Variants in PDHA1 observed in about 807,000 individuals in gnomAD.
The protein encoded by PDHA1 is pyruvate dehydrogenase E1 subunit alpha 1.
Under a neutral mutation model 33.0 loss-of-function variants are expected in PDHA1, and 1 was observed. The observed-to-expected ratio is 0.03, with a 90% CI of 0.01 to 0.14. The LOEUF is 0.14. Ranked by LOEUF, PDHA1 falls within the 10% of genes least tolerant of loss-of-function variation. The pLI, the probability that PDHA1 is intolerant of heterozygous loss-of-function variation, is 1.00. For synonymous variants in PDHA1, 123 were observed against 119.2 expected, an observed-to-expected ratio of 1.03 and a Z score of -0.21; for missense variants, 168 against 325.1, an observed-to-expected ratio of 0.52 and a Z score of 3.72.
intron 1 of PDHA1, among the ~76,000 whole-genome samples, chrX:19,348,346 C>T (rs781121875): frequency 8.9e-6 from 1 of 112,145 alleles, no homozygotes; most frequent in South Asian, 3.7e-4. Context: ...AACAGTGTTT[C>T]AGAGAACATT....
Position 19,359,791 on chromosome X carries a change from T to G in PDHA1, c.*138T>G. ...CCATTAAGTGTGTAGATTGAGCAGG[T>G]AGTAATTGCATGCAGTTTGTACATT... On this transcript the variant is annotated 3_prime_UTR_variant, in exon 11 of 11. Transcript: ENST00000422285. 5.4e-6 allele frequency: 3 copies of G among 560,098 alleles called. No individual in the cohort carries two copies. Among genetic ancestry groups the G allele is most frequent in the Non-Finnish European group, 9.1e-6 (3 of 328,292 alleles). The allele number at this position is 560,098 out of a possible 1,213,427, so 46.2% of individuals were successfully genotyped here.
In PDHA1 at chrX:19,344,067, C is replaced by T. The variant is rs1425138915; in HGVS notation, c.30C>T (p.Arg10=). The change falls in exon 1 of 11, where the codon CGC becomes CGT. Residue 10 remains arginine (R), a synonymous_variant. Coordinates refer to ENST00000422285, the MANE Select transcript of PDHA1 (RefSeq NM_000284.4). MRKMLAAVS[R]VLSGASQKPA... ...GGAAGATGCTCGCCGCCGTCTCCCG[C>T]GTGCTGTCTGGCGCTTCTCAGAAGC... The T allele has an allele frequency of 8.3e-7, 1 of 1,207,931 alleles. No individual in the cohort carries two copies. Among genetic ancestry groups the T allele is most frequent in the Non-Finnish European group, 1.1e-6 (1 of 894,323 alleles).
At position 19,360,727 on chromosome X, in the gene PDHA1, G is replaced by C. The variant is rs762427939; in HGVS notation, c.*1074G>C. On this transcript the variant is annotated 3_prime_UTR_variant, in exon 11 of 11. Transcript: ENST00000422285. ...AACATGTAGCGTGGTGGGACACTCT[G>C]CCACAGCTTAGCTGATTGGTATCAA... 5 of 1,167,988 alleles carry C rather than the reference G, an allele frequency of 4.3e-6. No homozygotes were observed. The South Asian group carries it at 5.4e-5, about 13-fold the overall frequency.
At chrX:19,350,814 G>T (rs1294637882) in intron 3 of PDHA1, among the ~76,000 whole-genome samples, 1 of 111,861 alleles carries the variant, frequency 8.9e-6, no homozygotes, top group Non-Finnish European at 1.9e-5. Context: ...CAGCCAGGTA[G>T]AATAAATGAG....
At chrX:19,359,456 CTAAAACCTTT>C (rs1159701585) in intron 10 of PDHA1, 23 bp from the exon 11 acceptor site, 1 of 1,176,804 alleles carries the variant, frequency 8.5e-7, no homozygotes, top group African/African-American at 1.8e-5. Flanking sequence ...GCTGTTCATT[CTAAAACCTTT>C]TACACTGTTA....
Position 19,359,917 on chromosome X carries a change from C to T in PDHA1, c.*264C>T. ...CTAATTATGAAAAGGAAGAACAATT[C>T]CTTGTATGCCTGTTTCCCCTGCCCC... On this transcript the variant is annotated 3_prime_UTR_variant, in exon 11 of 11. Transcript: ENST00000422285. The T allele has an allele frequency of 2.8e-6, 1 of 363,170 alleles. No individual in the cohort carries two copies. The highest frequency in any genetic ancestry group is 4.1e-5 in the Admixed American group (1 of 24,184). 29.9% of individuals were successfully genotyped at this position (363,170 alleles called of 1,213,427 possible). A position where few individuals can be genotyped will look rare whatever the true frequency, so the allele number is the denominator to read the frequency against.
chrX:19,344,951 C>T (rs1185667618), intron 1 of PDHA1, among the ~76,000 whole-genome samples: 1 of 111,758 alleles, frequency 8.9e-6, no homozygotes. Context: ...AGTTCAGGAG[C>T]GCCGAAGCAG....
chrX:19,359,070 T>G (rs982681762), intron 10 of PDHA1, 46 bp downstream of exon 10: 11 of 824,612 alleles, frequency 1.3e-5, no homozygotes, highest in East Asian at 3.1e-5. Context: ...CTTTAAAAGT[T>G]GCCACCCCTG....
intron 1 of PDHA1, among the ~76,000 whole-genome samples, chrX:19,346,256 G>A (rs997323970): frequency 2.7e-5 from 3 of 111,693 alleles, no homozygotes; most frequent in African/African-American, 6.5e-5. Context: ...TGATGGCTGT[G>A]ACACAAGATA....
Position 19,345,754 on chromosome X carries a change from C to G in PDHA1, c.57+1660C>G, listed in dbSNP as rs781301068. On this transcript the variant is annotated intron_variant, in intron 1 of 10. Transcript: ENST00000422285. ...GTATCAGTTTGCAGGGTCCCCCCCC[C>G]CCCGCCACCTTACAGTAGGAAGAAA... 2.5e-5 allele frequency: 7 copies of G among 274,797 alleles called. No individual in the cohort carries two copies. The East Asian group carries it at 4.8e-4, about 19-fold the overall frequency. 22.6% of individuals were successfully genotyped at this position (274,797 alleles called of 1,213,427 possible).
Position 19,360,641 on chromosome X carries a change from G to C in PDHA1, c.*988G>C. 1.7e-6 allele frequency: 1 copy of C among 575,979 alleles called. No individual in the cohort carries two copies. Among genetic ancestry groups the C allele is most frequent in the South Asian group, 2.7e-5 (1 of 36,542 alleles). 47.5% of individuals were successfully genotyped at this position (575,979 alleles called of 1,213,427 possible). A position where few individuals can be genotyped will look rare whatever the true frequency, so the allele number is the denominator to read the frequency against. On this transcript the variant is annotated 3_prime_UTR_variant, in exon 11 of 11. Coordinates refer to ENST00000422285, the MANE Select transcript of PDHA1 (RefSeq NM_000284.4). ...GTTCTTAAACTATTAATTGAACAAT[G>C]GCATTTTTAAATATGTAAACACAGC...
intron 3 of PDHA1, among the ~76,000 whole-genome samples, chrX:19,350,421 A>T (rs1243035278): frequency 9.0e-6 from 1 of 110,553 alleles, no homozygotes; most frequent in East Asian, 2.8e-4. Context: ...GCACACCAAC[A>T]CACCCAGCTA....
intron 7 of PDHA1, 42 bp from the exon 8 acceptor site, chrX:19,355,644 G>T (rs745847391): frequency 8.8e-7 from 1 of 1,140,519 alleles, no homozygotes; most frequent in African/African-American, 1.8e-5. Flanking sequence ...ATGGTTTGGG[G>T]CAGTTGGATT....
rs1383868709 is a variant in PDHA1, at chrX:19,349,377, A to C, written c.117+6A>C. On this transcript the variant is annotated splice_donor_region_variant and intron_variant, in intron 2 of 10. Transcript: ENST00000422285. ...ATGCTACATTTGAAATTAAGGTAAG[A>C]GGTGTTTTACTTTGTTAATAATTTT... is the stretch of plus-strand genomic sequence containing the variant. 7 of 1,096,764 alleles carry C rather than the reference A, an allele frequency of 6.4e-6. No homozygotes were observed. The allele number at this position is 1,096,764 out of a possible 1,213,427, so 90.4% of individuals were successfully genotyped here. A position where few individuals can be genotyped will look rare whatever the true frequency, so the allele number is the denominator to read the frequency against.
At chrX:19,346,514 A>G (rs750462643) in intron 1 of PDHA1, 7 of 489,599 alleles carry the variant, frequency 1.4e-5, no homozygotes, top group Non-Finnish European at 2.4e-5. Context: ...TACTAGAGAC[A>G]TGGTCTTGCT....
chrX:19,354,261 A>T (rs1034480000), intron 5 of PDHA1, among the ~76,000 whole-genome samples: 2 of 112,797 alleles, frequency 1.8e-5, no homozygotes, highest in Non-Finnish European at 3.7e-5. Context: ...TGAATGCAGA[A>T]ATGTTAGTGC....
At chrX:19,358,476 G>A (rs17247716) in intron 9 of PDHA1, among the ~76,000 whole-genome samples, 2,305 of 111,639 alleles carry the variant, frequency 0.021, 25 homozygotes, top group African/African-American at 0.033. Context: ...CCTGCTTGGC[G>A]CTCTGATGTC....
chrX:19,358,906 C>T lies in PDHA1; in HGVS notation c.900-10C>T, dbSNP rs370163447. The T allele has an allele frequency of 9.4e-7, 1 of 1,061,192 alleles. No homozygotes were observed. Among genetic ancestry groups the T allele is most frequent in the Non-Finnish European group, 1.3e-6 (1 of 758,230 alleles). 87.5% of individuals were successfully genotyped at this position (1,061,192 alleles called of 1,213,427 possible). The stretch of plus-strand genomic sequence containing the variant: ...CTTACTGATCGATTACTACTTTTCC[C>T]TCCCCATAGTTACCGTACACGAGAA... On this transcript the variant is annotated splice_polypyrimidine_tract_variant and intron_variant, in intron 9 of 10. Transcript: ENST00000422285.
rs927710784 is a variant in PDHA1, at chrX:19,346,978, ATTTT to A, written c.58-2326_58-2323del. The stretch of plus-strand genomic sequence containing the variant: ...TTAAAGTTTTACTTTTTTTTAATTA[ATTTT>A]TTTTTTTAGGCTGGAATGCAGTGGC... On this transcript the variant is annotated intron_variant, in intron 1 of 10. Coordinates refer to ENST00000422285, the MANE Select transcript of PDHA1 (RefSeq NM_000284.4). Among the ~76,000 whole-genome samples, 8 of 105,350 alleles carry A rather than the reference ATTTT, an allele frequency of 7.6e-5. 1 individual carries two copies. Among genetic ancestry groups the A allele is most frequent in the African/African-American group, 2.1e-4 (6 of 29,144 alleles). 91.5% of individuals were successfully genotyped at this position (105,350 alleles called of 115,157 possible).
Sources: gnomAD v4.1 joint callset for allele counts (sites outside exome capture counted in the v4.1 genomes callset) on GRCh38, gnomAD v4.1.1 for gene constraint, MANE v1.5 for transcripts, NCBI Gene and HGNC (gene_info 2026-07-23, HGNC 2026-07-21) for gene names.